The following MAST4 variants were observed in gnomAD, a reference collection of about 807,000 sequenced individuals.
MAST4 encodes microtubule-associated serine/threonine-protein kinase 4.
Under a neutral mutation model 162.7 loss-of-function variants are expected in MAST4, and 89 were observed. That is an observed-to-expected ratio of 0.55 (90% CI 0.46 to 0.65). The LOEUF is 0.65. Among genes scored for constraint, MAST4 ranks in the 30% least tolerant of loss-of-function variants. The pLI, the probability that MAST4 is intolerant of heterozygous loss-of-function variation, is 0.00. For missense variants in MAST4, 3,153 were observed against 3,374.0 expected, an observed-to-expected ratio of 0.93 and a Z score of 1.62; for synonymous variants, 1,479 against 1,361.1, an observed-to-expected ratio of 1.09 and a Z score of -1.91.
chr5:66,912,907 T>G (rs866648774), intron 4 of MAST4, among the ~76,000 whole-genome samples: 4 of 152,152 alleles, frequency 2.6e-5, no homozygotes, highest in African/African-American at 9.7e-5. Context: ...CTATTTAATA[T>G]CATCTAGGCT....
intron 2 of MAST4, among the ~76,000 whole-genome samples, chr5:66,768,442 A>G (rs114662437): frequency 6.6e-6 from 1 of 152,216 alleles, no homozygotes; most frequent in African/African-American, 2.4e-5. Flanking sequence ...ATACCATGGA[A>G]TACTACTTGG....
At chr5:66,631,620 A>G (rs190482175) in intron 1 of MAST4, among the ~76,000 whole-genome samples, 1 of 152,250 alleles carries the variant, frequency 6.6e-6, no homozygotes, top group African/African-American at 2.4e-5. Flanking sequence ...ACACCCCCAA[A>G]TAATGTAACT....
intron 1 of MAST4, among the ~76,000 whole-genome samples, chr5:66,622,666 G>C (rs1324175220): frequency 6.6e-6 from 1 of 152,126 alleles, no homozygotes; most frequent in Non-Finnish European, 1.5e-5. Flanking sequence ...GATGTGTATT[G>C]AACATAAACT....
At position 67,121,069 on chromosome 5, in the gene MAST4, A is replaced by G; in HGVS notation, c.1712A>G (p.Glu571Gly). ...AGGAAACCTCGGGAAAGTGATTTTG[A>G]AACGATTAAATTGATTAGCAATGGA... is the stretch of plus-strand genomic sequence containing the variant. ...LRRKPRESDF[E>G]TIKLISNGAY... Residue 571 changes from glutamate to glycine, a missense_variant, in exon 14 of 29, where the codon GAA becomes GGA. Physicochemically the swap from Glu to Gly is moderately conservative, Grantham distance 98. Coordinates refer to ENST00000403625, the MANE Select transcript of MAST4 (RefSeq NM_001164664.2). 2 of 1,610,656 alleles carry G rather than the reference A, an allele frequency of 1.2e-6. No individual in the cohort carries two copies. The highest frequency in any genetic ancestry group is 1.7e-6 in the Non-Finnish European group (2 of 1,178,394).
chr5:66,740,602 G>A (rs984438129), intron 1 of MAST4, among the ~76,000 whole-genome samples: 6 of 152,128 alleles, frequency 3.9e-5, no homozygotes, highest in African/African-American at 1.4e-4. Context: ...TGTTTGTTTT[G>A]GAGGTGATCT....
At chr5:66,985,161 AG>A (rs1328183459) in intron 4 of MAST4, among the ~76,000 whole-genome samples, 1 of 152,160 alleles carries the variant, frequency 6.6e-6, no homozygotes, top group African/African-American at 2.4e-5. Context: ...AAGACCAGCC[AG>A]GTGATTTCAA....
chr5:66,610,124 C>T lies in MAST4; in HGVS notation c.363+13106C>T, dbSNP rs548710423. Among the ~76,000 whole-genome samples the T allele has an allele frequency of 3.3e-5, 5 of 152,262 alleles. No individual in the cohort carries two copies. In the South Asian group the frequency reaches 6.2e-4, roughly 19 times the overall value. On this transcript the variant is annotated intron_variant, in intron 1 of 28. Transcript: ENST00000403625. ...GGTTTTAAATCACCATTTAAAGGAA[C>T]GATCTGTTCCATGCCTCTTTGTCAG... is the stretch of plus-strand genomic sequence containing the variant.
chr5:67,130,853 G>A (rs1307691034), intron 15 of MAST4, among the ~76,000 whole-genome samples: 3 of 152,122 alleles, frequency 2.0e-5, no homozygotes, highest in African/African-American at 7.2e-5. Context: ...AATGCAGCCA[G>A]TCTTCCCGAT....
At position 66,891,554 on chromosome 5, in the gene MAST4, T is replaced by G. The variant is rs57307905; in HGVS notation, c.643-8397T>G. Reference sequence around the variant, plus strand: ...TTCCCTATAAGATAAAGGCAGCCACTTCCAAAACCCTTCTATGATGTGGCC... The same window carrying G: ...TTCCCTATAAGATAAAGGCAGCCACGTCCAAAACCCTTCTATGATGTGGCC... On this transcript the variant is annotated intron_variant, in intron 3 of 28. Transcript: ENST00000403625. Among the ~76,000 whole-genome samples the G allele has an allele frequency of 6.4e-3, 979 of 152,298 alleles. 9 individuals are homozygous for G. Among genetic ancestry groups the G allele is most frequent in the African/African-American group, 0.022 (919 of 41,554 alleles).
At chr5:67,093,789 T>C in intron 6 of MAST4, 1 of 367,198 alleles carries the variant, frequency 2.7e-6, no homozygotes, top group Non-Finnish European at 5.5e-6. Context: ...CCCTCACTCT[T>C]TCCAGAGACT....
chr5:66,882,681 G>T (rs1761767062), intron 3 of MAST4, among the ~76,000 whole-genome samples: 1 of 151,806 alleles, frequency 6.6e-6, no homozygotes, highest in Non-Finnish European at 1.5e-5. Flanking sequence ...ATACTTTTTA[G>T]TCTGTCTGAT....
At chr5:66,807,502 C>A (rs1405054489) in intron 3 of MAST4, among the ~76,000 whole-genome samples, 150 of 129,040 alleles carry the variant, frequency 1.2e-3, no homozygotes, top group Admixed American at 1.4e-3. Context: ...GACTCCGTCT[C>A]AAAAAAAAAA....
At chr5:67,079,322 G>C (rs1197994541) in intron 5 of MAST4, among the ~76,000 whole-genome samples, 3 of 152,022 alleles carry the variant, frequency 2.0e-5, no homozygotes, top group African/African-American at 7.2e-5. Context: ...GAAAGTTATA[G>C]ATAATTAAAA....
intron 4 of MAST4, among the ~76,000 whole-genome samples, chr5:66,962,260 G>A (rs79582755): frequency 0.018 from 2,707 of 152,122 alleles, 80 homozygotes; most frequent in African/African-American, 0.061. Flanking sequence ...GTCCAGCGGA[G>A]AGGCAAAATA....
chr5:66,954,874 C>T (rs927929549), intron 4 of MAST4, among the ~76,000 whole-genome samples: 1 of 148,878 alleles, frequency 6.7e-6, no homozygotes, highest in Non-Finnish European at 1.5e-5. Context: ...GCACTCCAGC[C>T]TGGGCAACAG....
At chr5:66,616,650 G>C (rs536735077) in intron 1 of MAST4, among the ~76,000 whole-genome samples, 1 of 152,294 alleles carries the variant, frequency 6.6e-6, no homozygotes, top group Admixed American at 6.5e-5. Flanking sequence ...AGCAGCCAGG[G>C]TTTTGCTTTC....
chr5:66,853,667 T>C (rs934270773), intron 3 of MAST4, among the ~76,000 whole-genome samples: 1 of 152,214 alleles, frequency 6.6e-6, no homozygotes, highest in Non-Finnish European at 1.5e-5. Context: ...TATTACAGAA[T>C]GTTTGGACAT....
At chr5:66,700,124 G>A (rs1216009575) in intron 1 of MAST4, among the ~76,000 whole-genome samples, 1 of 152,176 alleles carries the variant, frequency 6.6e-6, no homozygotes, top group Non-Finnish European at 1.5e-5. Flanking sequence ...CTCCCTTGAG[G>A]CATAATAAGG....
intron 1 of MAST4, among the ~76,000 whole-genome samples, chr5:66,655,313 C>A (rs770100483): frequency 2.0e-5 from 3 of 151,966 alleles, no homozygotes; most frequent in African/African-American, 4.8e-5. Flanking sequence ...TTGAAGGAGT[C>A]GAAAGAAATG....
Sources: allele counts gnomAD v4.1 joint callset (sites outside exome capture counted in the v4.1 genomes callset), GRCh38; gene constraint gnomAD v4.1.1; transcripts MANE v1.5; gene names NCBI Gene and HGNC (gene_info 2026-07-23, HGNC 2026-07-21).